The following PARD3B variants were observed in gnomAD, a reference collection of about 807,000 sequenced individuals.
PARD3B encodes par-3 family cell polarity regulator beta.
PARD3B carries 103 observed loss-of-function variants against 130.2 expected under a neutral mutation model. That is an observed-to-expected ratio of 0.79 (90% CI 0.67 to 0.93). The LOEUF (loss-of-function observed/expected upper bound fraction) is 0.93. PARD3B is among the 40% of genes least tolerant of loss of function. The probability of loss-of-function intolerance (pLI) is 0.00; values close to 1 mark genes in which losing one functional copy is unlikely to be tolerated. For missense variants in PARD3B, 1,609 were observed against 1,499.2 expected (o/e 1.07, Z -1.21); for synonymous variants, 583 against 553.2 (o/e 1.05, Z -0.76).
chr2:204,853,335 G>T (rs2044786576), intron 2 of PARD3B, among the ~76,000 whole-genome samples: 1 of 152,128 alleles, frequency 6.6e-6, no homozygotes, highest in African/African-American at 2.4e-5. Context: ...AAGTCGTCTT[G>T]GTGGATGTCC....
intron 2 of PARD3B, among the ~76,000 whole-genome samples, chr2:204,741,454 G>A (rs140864204): frequency 2.6e-4 from 39 of 152,136 alleles, no homozygotes; most frequent in East Asian, 7.7e-4. Flanking sequence ...AGCCACCTGC[G>A]ACACTAACTC....
intron 3 of PARD3B, among the ~76,000 whole-genome samples, chr2:205,001,969 G>T (rs1377111308): frequency 6.6e-6 from 1 of 152,100 alleles, no homozygotes; most frequent in African/African-American, 2.4e-5. Flanking sequence ...ATTTAATTGG[G>T]CTCCTTTATG....
chr2:205,028,538 C>G (rs888823283), intron 3 of PARD3B, among the ~76,000 whole-genome samples: 1 of 152,102 alleles, frequency 6.6e-6, no homozygotes, highest in African/African-American at 2.4e-5. Flanking sequence ...GGAGCAGACT[C>G]ATAGTCGACA....
chr2:205,227,698 G>C (rs1044410322), intron 15 of PARD3B, among the ~76,000 whole-genome samples: 1 of 152,050 alleles, frequency 6.6e-6, no homozygotes, highest in Non-Finnish European at 1.5e-5. Context: ...TTATTGATAA[G>C]TAAGGTCTTA....
intron 18 of PARD3B, among the ~76,000 whole-genome samples, chr2:205,387,410 C>G (rs1193206696): frequency 6.6e-6 from 1 of 152,118 alleles, no homozygotes; most frequent in African/African-American, 2.4e-5. Flanking sequence ...TTCTTTCTTA[C>G]TGATGCACTC....
At chr2:205,035,346 G>A (rs993632411) in intron 3 of PARD3B, among the ~76,000 whole-genome samples, 1 of 152,298 alleles carries the variant, frequency 6.6e-6, no homozygotes, top group South Asian at 2.1e-4. Flanking sequence ...ACAGGTTTGT[G>A]TCTTACTAGC....
At chr2:204,713,116 CTGTATATGATT>C (rs1199320199) in intron 2 of PARD3B, among the ~76,000 whole-genome samples, 4 of 152,016 alleles carry the variant, frequency 2.6e-5, no homozygotes, top group African/African-American at 9.7e-5. Flanking sequence ...GGACATTGGG[CTGTATATGATT>C]TTTTCTGTTG....
chr2:204,788,809 A>G (rs2042099053), intron 2 of PARD3B, among the ~76,000 whole-genome samples: 4 of 152,190 alleles, frequency 2.6e-5, no homozygotes, highest in Admixed American at 2.6e-4. Flanking sequence ...AATTATGGAT[A>G]TATTTTTCAA....
chr2:204,898,174 TC>T (rs2046713119), intron 2 of PARD3B, among the ~76,000 whole-genome samples: 2 of 152,078 alleles, frequency 1.3e-5, no homozygotes, highest in East Asian at 1.9e-4. Flanking sequence ...ATGGACCATT[TC>T]TTTTTTTTTA....
intron 15 of PARD3B, among the ~76,000 whole-genome samples, chr2:205,210,515 C>A (rs11901441): frequency 6.6e-6 from 1 of 151,930 alleles, no homozygotes; most frequent in Non-Finnish European, 1.5e-5. Flanking sequence ...TTCTTCACTT[C>A]TAGAAACAGG....
intron 4 of PARD3B, among the ~76,000 whole-genome samples, chr2:205,084,015 C>T (rs1277550362): frequency 1.1e-4 from 16 of 152,090 alleles, no homozygotes. Flanking sequence ...ACTGTGTCAT[C>T]ATTCCATCTG....
rs559687568 is a variant in PARD3B at position 204,961,149 on chromosome 2, G to A, written c.223-4003G>A. 2.0e-5 allele frequency among the ~76,000 whole-genome samples: 3 copies of A among 152,322 alleles called. No homozygotes were observed. The East Asian group carries it at 5.8e-4, about 29-fold the overall frequency. On this transcript the variant is annotated intron_variant, in intron 2 of 22. Coordinates refer to ENST00000406610, the MANE Select transcript of PARD3B (RefSeq NM_001302769.2). The stretch of plus-strand genomic sequence containing the variant: ...GAGACTTAGGCTTTTCTTCAAGTGA[G>A]GTGGGAAAGTATTAAAGGAGTCTCA...
chr2:205,498,414 A>C (rs2106337598), intron 20 of PARD3B, among the ~76,000 whole-genome samples: 1 of 152,106 alleles, frequency 6.6e-6, no homozygotes, highest in South Asian at 2.1e-4. Context: ...AGACAGGAGA[A>C]TTGCTTGAAC....
At chr2:205,009,875 T>A (rs375956819) in intron 3 of PARD3B, among the ~76,000 whole-genome samples, 1 of 152,208 alleles carries the variant, frequency 6.6e-6, no homozygotes, top group Non-Finnish European at 1.5e-5. Flanking sequence ...AATTTGAATG[T>A]TGATCCTTAA....
intron 15 of PARD3B, among the ~76,000 whole-genome samples, chr2:205,194,963 T>TG (rs1370959229): frequency 0.011 from 1,464 of 133,468 alleles, 36 homozygotes; most frequent in African/African-American, 0.038. Context: ...TTTTTTTTTT[T>TG]TTTTTTTGTA....
intron 15 of PARD3B, among the ~76,000 whole-genome samples, chr2:205,213,365 C>T (rs2037746583): frequency 6.6e-6 from 1 of 151,812 alleles, no homozygotes; most frequent in Non-Finnish European, 1.5e-5. Flanking sequence ...ATTTTTTTTC[C>T]CATTCCAATC....
Position 205,407,222 on chromosome 2 carries a change from C to G in PARD3B, c.2741+6099C>G, listed in dbSNP as rs181191136. Among the ~76,000 whole-genome samples, 101 of 152,260 alleles carry G rather than the reference C, an allele frequency of 6.6e-4. No individual in the cohort carries two copies. The highest frequency in any genetic ancestry group is 1.8e-4 in the Non-Finnish European group (12 of 68,020). The stretch of plus-strand genomic sequence containing the variant: ...TTTCTTAATCTCAAGTAAGAGATTT[C>G]TCAGCTTATGATGTGTCACCTCCTG... On this transcript the variant is annotated intron_variant, in intron 19 of 22. Transcript: ENST00000406610. This position sits in a 1 kb window ranked among gnomAD's most constrained non-coding sequence, Gnocchi z 4.1.
chr2:204,721,562 T>C (rs960471291), intron 2 of PARD3B, among the ~76,000 whole-genome samples: 1 of 152,206 alleles, frequency 6.6e-6, no homozygotes, highest in Non-Finnish European at 1.5e-5. Context: ...GAGCCATTTA[T>C]TTCTCATTTT....
chr2:205,177,452 A>G (rs1023521802), intron 13 of PARD3B, among the ~76,000 whole-genome samples: 2 of 152,234 alleles, frequency 1.3e-5, no homozygotes, highest in African/African-American at 4.8e-5. Context: ...ATAGCACATT[A>G]TATGCCTCTT....
Sources: gnomAD v4.1 joint callset for allele counts (sites outside exome capture counted in the v4.1 genomes callset) on GRCh38, gnomAD v4.1.1 for gene constraint, Gnocchi (gnomAD v3.1) non-coding constraint, MANE v1.5 for transcripts, NCBI Gene and HGNC (gene_info 2026-07-23, HGNC 2026-07-21) for gene names.